The following H2BN1 variants were observed in gnomAD, a reference collection of about 807,000 sequenced individuals.
The protein encoded by H2BN1 is H2B.N variant histone 1.
At chr17:32,899,835 GT>G in the H2BN1 span, among the ~76,000 whole-genome samples, 11 of 152,244 alleles carry the variant, frequency 7.2e-5, no homozygotes, top group Admixed American at 5.9e-4. Context: ...TAAGTCAGAA[GT>G]CAAAAAGATT....
the H2BN1 span, among the ~76,000 whole-genome samples, chr17:32,904,798 C>T: frequency 1.3e-5 from 2 of 150,734 alleles, no homozygotes; most frequent in African/African-American, 2.4e-5. Flanking sequence ...AACACAGAAA[C>T]CAAATGCATT....
the H2BN1 span, among the ~76,000 whole-genome samples, chr17:32,904,760 C>CT: frequency 0.071 from 10,230 of 143,806 alleles, 587 homozygotes; most frequent in East Asian, 0.2. Context: ...AATGAAAGAA[C>CT]TTTTTTTTTT....
At chr17:32,903,780 A>T in the H2BN1 span, among the ~76,000 whole-genome samples, 1 of 152,216 alleles carries the variant, frequency 6.6e-6, no homozygotes, top group African/African-American at 2.4e-5. Flanking sequence ...TGGCAAGTAG[A>T]GGTGTCATAA....
the H2BN1 span, among the ~76,000 whole-genome samples, chr17:32,898,293 A>G: frequency 6.6e-6 from 1 of 152,226 alleles, no homozygotes; most frequent in Non-Finnish European, 1.5e-5. Context: ...ATACTGGTTC[A>G]GTCTGGAAAG....
the H2BN1 span, among the ~76,000 whole-genome samples, chr17:32,900,072 A>G: frequency 2.0e-5 from 3 of 152,260 alleles, no homozygotes; most frequent in African/African-American, 4.8e-5. Context: ...CATAGCTGAC[A>G]TACAATTGAC....
the H2BN1 span, among the ~76,000 whole-genome samples, chr17:32,902,631 G>A: frequency 3.3e-5 from 5 of 152,162 alleles, no homozygotes; most frequent in Non-Finnish European, 7.3e-5. Flanking sequence ...ACAAGGTCAG[G>A]AGATCGAGAC....
the H2BN1 span, among the ~76,000 whole-genome samples, chr17:32,902,571 T>C: frequency 1.3e-5 from 2 of 152,234 alleles, no homozygotes; most frequent in Non-Finnish European, 2.9e-5. Context: ...CTGGGTGCAG[T>C]GGCTCACGCC....
chr17:32,900,661 A>G, the H2BN1 span, among the ~76,000 whole-genome samples: 1,271 of 151,780 alleles, frequency 8.4e-3, 8 homozygotes, highest in Non-Finnish European at 0.015. Flanking sequence ...GGCTCACTGC[A>G]AGCTGCGTCT....
chr17:32,899,008 A>G, the H2BN1 span, among the ~76,000 whole-genome samples: 1 of 152,230 alleles, frequency 6.6e-6, no homozygotes, highest in African/African-American at 2.4e-5. Flanking sequence ...ACTTGTAGCC[A>G]AGAAAAATTA....
the H2BN1 span, among the ~76,000 whole-genome samples, chr17:32,896,326 C>A: frequency 2.6e-5 from 4 of 152,290 alleles, no homozygotes; most frequent in East Asian, 7.7e-4. Flanking sequence ...AAATGATGCT[C>A]TGTATTTCTA....
chr17:32,896,247 T>G, the H2BN1 span, among the ~76,000 whole-genome samples: 1 of 152,192 alleles, frequency 6.6e-6, no homozygotes, highest in East Asian at 1.9e-4. Context: ...TCTCCTTTTC[T>G]TGTAAAGCGG....
At chr17:32,903,994 C>A in the H2BN1 span, among the ~76,000 whole-genome samples, 2 of 152,216 alleles carry the variant, frequency 1.3e-5, no homozygotes, top group Admixed American at 6.5e-5. Context: ...TTTCTCTCTC[C>A]AGAGGTCTAA....
the H2BN1 span, among the ~76,000 whole-genome samples, chr17:32,899,279 TAGATA>T: frequency 6.6e-6 from 1 of 152,182 alleles, no homozygotes; most frequent in Non-Finnish European, 1.5e-5. Flanking sequence ...GAAAGAAACT[TAGATA>T]AGAGTTTTTA....
At chr17:32,900,429 A>G in the H2BN1 span, among the ~76,000 whole-genome samples, 7 of 152,264 alleles carry the variant, frequency 4.6e-5, no homozygotes, top group Non-Finnish European at 8.8e-5. Context: ...GTAAAATATC[A>G]AAGGTTAAAA....
the H2BN1 span, among the ~76,000 whole-genome samples, chr17:32,897,834 G>A: frequency 1.3e-5 from 2 of 152,224 alleles, no homozygotes; most frequent in African/African-American, 4.8e-5. Flanking sequence ...CAGGAAGAAA[G>A]AGAGGCTGAA....
chr17:32,903,688 A>C, the H2BN1 span, among the ~76,000 whole-genome samples: 2 of 152,224 alleles, frequency 1.3e-5, no homozygotes, highest in Non-Finnish European at 2.9e-5. Flanking sequence ...TTTAGGAACA[A>C]CGTAGTTTGC....
chr17:32,902,486 G>A, the H2BN1 span, among the ~76,000 whole-genome samples: 1 of 152,116 alleles, frequency 6.6e-6, no homozygotes, highest in African/African-American at 2.4e-5. Context: ...AGGAGTTATG[G>A]TAATCTTACT....
At chr17:32,896,608 A>G in the H2BN1 span, among the ~76,000 whole-genome samples, 1 of 152,172 alleles carries the variant, frequency 6.6e-6, no homozygotes, top group Admixed American at 6.5e-5. Flanking sequence ...TGGGAAACAA[A>G]GGGGAAAATG....
the H2BN1 span, among the ~76,000 whole-genome samples, chr17:32,905,002 A>G: frequency 6.6e-6 from 1 of 152,196 alleles, no homozygotes; most frequent in East Asian, 1.9e-4. Context: ...AGAAAAAATT[A>G]AGACCAGCTG....
Sources: allele counts gnomAD v4.1 joint callset (sites outside exome capture counted in the v4.1 genomes callset), GRCh38; gene constraint gnomAD v4.1.1; transcripts MANE v1.5; gene names NCBI Gene and HGNC (gene_info 2026-07-23, HGNC 2026-07-21).